OTOGL: variants seen among roughly 807,000 people sequenced by gnomAD.
OTOGL encodes otogelin-like protein.
Under a neutral mutation model 318.5 loss-of-function variants are expected in OTOGL, and 285 were observed. The observed-to-expected ratio is 0.89, with a 90% confidence interval of 0.81 to 0.99. The LOEUF (loss-of-function observed/expected upper bound fraction) is 0.99. Ranked by LOEUF, OTOGL falls within the 50% of genes least tolerant of loss-of-function variation. The pLI, the probability that OTOGL is intolerant of heterozygous loss-of-function variation, is 0.00. For missense variants in OTOGL, 2,899 were observed against 2,845.6 expected (o/e 1.02, Z -0.43); for synonymous variants, 987 against 936.5 (o/e 1.05, Z -0.99).
At chr12:80,130,437 A>G (rs1871168912) in intron 1 of OTOGL, among the ~76,000 whole-genome samples, 1 of 152,240 alleles carries the variant, frequency 6.6e-6, no homozygotes, top group Admixed American at 6.5e-5. Context: ...GGAGGTTGGA[A>G]TGGAGCCAAT....
chr12:80,266,484 A>C lies in OTOGL; in HGVS notation c.2258A>C (p.His753Pro). 1 of 1,613,460 alleles carries C rather than the reference A, an allele frequency of 6.2e-7. No individual in the cohort carries two copies. The highest frequency in any genetic ancestry group is 8.5e-7 in the Non-Finnish European group (1 of 1,179,672). Reference protein sequence around the residue: ...VVCQKGMLYHHCSSFCLHSCI... With the variant: ...VVCQKGMLYHPCSSFCLHSCI... ...TGCCAGAAGGGCATGCTGTACCATCACTGTTCCTCGTTCTGCCTCCATTCC... is the reference window on the plus strand; with the variant it reads ...TGCCAGAAGGGCATGCTGTACCATCCCTGTTCCTCGTTCTGCCTCCATTCC... Residue 753 changes from histidine to proline, a missense_variant, in exon 21 of 59, where the codon CAC (histidine) becomes CCC (proline). His to Pro is a moderately conservative substitution (Grantham distance 77, BLOSUM62 -2). This residue lies in a region of OTOGL where 2,607 missense variants were observed against 2,524.9 expected (regional missense o/e 1.03). Coordinates refer to ENST00000547103, the MANE Select transcript of OTOGL (RefSeq NM_001378609.3).
At chr12:80,262,363 C>A (rs1882616064) in intron 19 of OTOGL, among the ~76,000 whole-genome samples, 2 of 151,584 alleles carry the variant, frequency 1.3e-5, no homozygotes, top group South Asian at 4.2e-4. Flanking sequence ...GTTTAGAAAT[C>A]CCTTGTTTGC....
At chr12:80,150,318 A>G (rs532618665) in intron 1 of OTOGL, among the ~76,000 whole-genome samples, 1 of 152,346 alleles carries the variant, frequency 6.6e-6, no homozygotes, top group East Asian at 1.9e-4. Context: ...ACAACAGAAT[A>G]ATGTGTTTCT....
chr12:80,126,487 G>C (rs1165734620), intron 1 of OTOGL, among the ~76,000 whole-genome samples: 1 of 152,144 alleles, frequency 6.6e-6, no homozygotes, highest in Non-Finnish European at 1.5e-5. Context: ...GAATAGGTGT[G>C]GTGTGGTGCT....
intron 49 of OTOGL, 83 bp downstream of exon 49, chr12:80,356,997 C>A (rs1196287753): frequency 1.4e-6 from 1 of 740,374 alleles, no homozygotes; most frequent in Non-Finnish European, 2.1e-6. Flanking sequence ...TTTTATGAGA[C>A]TGATGGCAAG....
chr12:80,364,435 A>G (rs1191417224), intron 52 of OTOGL, among the ~76,000 whole-genome samples: 1 of 152,200 alleles, frequency 6.6e-6, no homozygotes, highest in Admixed American at 6.6e-5. Flanking sequence ...ATAACATACA[A>G]TACATCCATT....
Position 80,271,638 on chromosome 12 carries a change from A to G in OTOGL, c.2519-10A>G, listed in dbSNP as rs369032690. 4.3e-6 allele frequency: 7 copies of G among 1,611,182 alleles called. No individual in the cohort carries two copies. The highest frequency in any genetic ancestry group is 5.9e-6 in the Non-Finnish European group (7 of 1,178,508). On this transcript the variant is annotated splice_polypyrimidine_tract_variant and intron_variant, in intron 23 of 58. Coordinates refer to ENST00000547103, the MANE Select transcript of OTOGL (RefSeq NM_001378609.3). Reference sequence around the variant, plus strand: ...AGTTAAGGACATTTTGTCTGTGCTTATATCTGAAGTTCACATCTGCCCAGA... The same window carrying G: ...AGTTAAGGACATTTTGTCTGTGCTTGTATCTGAAGTTCACATCTGCCCAGA...
At chr12:80,236,323 A>C (rs1879842021) in intron 9 of OTOGL, among the ~76,000 whole-genome samples, 3 of 152,178 alleles carry the variant, frequency 2.0e-5, no homozygotes, top group Admixed American at 6.5e-5. Flanking sequence ...ATGTCCCAAT[A>C]TGGACAGTAA....
rs144529041 is a variant in OTOGL, at chr12:80,360,575, G to A, written c.6267+1675G>A. Among the ~76,000 whole-genome samples the A allele has an allele frequency of 9.1e-3, 1,373 of 151,710 alleles. 11 individuals are homozygous for A. The highest frequency in any genetic ancestry group is 0.028 in the African/African-American group (1,139 of 41,322). Reference sequence around the variant, plus strand: ...CTGCTCACCGCAACCTCTGCCTCCCGGCTTCAAGTGATTCCCCTGCCTCAG... The same window carrying A: ...CTGCTCACCGCAACCTCTGCCTCCCAGCTTCAAGTGATTCCCCTGCCTCAG... On this transcript the variant is annotated intron_variant, in intron 52 of 58. Transcript: ENST00000547103.
chr12:80,361,811 T>G (rs1478044418), intron 52 of OTOGL, among the ~76,000 whole-genome samples: 2 of 152,198 alleles, frequency 1.3e-5, no homozygotes, highest in East Asian at 3.8e-4. Context: ...CTTTGCCCAT[T>G]TTAAAAATCA....
At chr12:80,289,430 T>G (rs1884875222) in intron 26 of OTOGL, among the ~76,000 whole-genome samples, 1 of 152,204 alleles carries the variant, frequency 6.6e-6, no homozygotes, top group Non-Finnish European at 1.5e-5. Context: ...CATTCTGCTG[T>G]GAGATCCGCT....
At chr12:80,152,248 A>G (rs1474966912) in intron 1 of OTOGL, among the ~76,000 whole-genome samples, 2 of 152,130 alleles carry the variant, frequency 1.3e-5, no homozygotes, top group Admixed American at 1.3e-4. Flanking sequence ...AATAGTGAAG[A>G]ACAGAGAAAA....
rs558298837 is a variant in OTOGL at position 80,117,237 on chromosome 12, C to T, written c.-20+17632C>T. 2.4e-4 allele frequency among the ~76,000 whole-genome samples: 33 copies of T among 140,034 alleles called. No individual in the cohort carries two copies. The South Asian group carries it at 2.8e-3, about 12-fold the overall frequency. 91.9% of individuals were successfully genotyped at this position (140,034 alleles called of 152,430 possible). A position where few individuals can be genotyped will look rare whatever the true frequency, so the allele number is the denominator to read the frequency against. On this transcript the variant is annotated intron_variant, in intron 1 of 58. Coordinates refer to ENST00000547103, the MANE Select transcript of OTOGL (RefSeq NM_001378609.3). ...TTAACTACCATCTATAAAATAGAGG[C>T]GATAAGCTATCTCTGGGTGACTTAA...
chr12:80,319,676 C>G (rs1565981097), intron 33 of OTOGL, among the ~76,000 whole-genome samples: 1 of 152,024 alleles, frequency 6.6e-6, no homozygotes, highest in Non-Finnish European at 1.5e-5. Context: ...TTAGTAATAA[C>G]TAATGATTTT....
intron 38 of OTOGL, among the ~76,000 whole-genome samples, chr12:80,335,268 C>G (rs2137907374): frequency 6.6e-6 from 1 of 152,110 alleles, no homozygotes; most frequent in Admixed American, 6.6e-5. Context: ...GGGCAAATTA[C>G]TTTAACCCCC....
chr12:80,334,948 G>A (rs1337333895), intron 38 of OTOGL, among the ~76,000 whole-genome samples: 1 of 151,862 alleles, frequency 6.6e-6, no homozygotes, highest in Non-Finnish European at 1.5e-5. Context: ...TTGGAAAATT[G>A]GACTCTTAAA....
chr12:80,223,323 CATTG>C lies in OTOGL; in HGVS notation c.489+1085_489+1088del, dbSNP rs1056097547. ...ATATATCATATTTTCTTTATCCACTCATTGATTGATGGGCATTTGGGCTGGTTCC... is the reference window on the plus strand; with the variant it reads ...ATATATCATATTTTCTTTATCCACTCATTGATGGGCATTTGGGCTGGTTCC... On this transcript the variant is annotated intron_variant, in intron 7 of 58. Coordinates refer to ENST00000547103, the MANE Select transcript of OTOGL (RefSeq NM_001378609.3). 7.9e-5 allele frequency among the ~76,000 whole-genome samples: 12 copies of C among 151,666 alleles called. 1 individual carries two copies.
At chr12:80,309,895 G>A (rs1886515728) in intron 29 of OTOGL, among the ~76,000 whole-genome samples, 1 of 152,114 alleles carries the variant, frequency 6.6e-6, no homozygotes, top group Admixed American at 6.6e-5. Flanking sequence ...AGTATATTCA[G>A]GGCGTTGAAG....
At chr12:80,295,147 G>A in intron 26 of OTOGL, among the ~76,000 whole-genome samples, 1 of 131,722 alleles carries the variant, frequency 7.6e-6, no homozygotes, top group Non-Finnish European at 1.5e-5. Flanking sequence ...CAAACTGTAT[G>A]ATTGCCGAAC....
Sources: gnomAD v4.1 joint callset for allele counts (sites outside exome capture counted in the v4.1 genomes callset) on GRCh38, gnomAD v4.1.1 for gene constraint, gnomAD v4.1.1 regional missense constraint, MANE v1.5 for transcripts, NCBI Gene and HGNC (gene_info 2026-07-23, HGNC 2026-07-21) for gene names.